ZNF33B: variants seen among roughly 807,000 people sequenced by gnomAD.
The protein encoded by ZNF33B is zinc finger protein 11b (KOX 2).
Under a neutral mutation model 45.8 loss-of-function variants are expected in ZNF33B, and 29 were observed. That is an observed-to-expected ratio of 0.63 (90% confidence interval 0.47 to 0.86). The LOEUF (loss-of-function observed/expected upper bound fraction) is 0.86, where lower values mean the gene tolerates loss of function less well. ZNF33B is among the 40% of genes least tolerant of loss of function. The probability of loss-of-function intolerance (pLI) is 0.00; values close to 1 mark genes in which losing one functional copy is unlikely to be tolerated. For missense variants in ZNF33B, 831 were observed against 909.9 expected (o/e 0.91, Z 1.12); for synonymous variants, 305 against 307.8 (o/e 0.99, Z 0.10).
At chr10:42,636,106 C>T (rs1041565273) in intron 2 of ZNF33B, among the ~76,000 whole-genome samples, 1 of 151,734 alleles carries the variant, frequency 6.6e-6, no homozygotes, top group African/African-American at 2.4e-5. Flanking sequence ...TCCAGCCAGG[C>T]AACAGAGCGA....
intron 4 of ZNF33B, among the ~76,000 whole-genome samples, chr10:42,599,073 G>A (rs1258144973): frequency 6.6e-6 from 1 of 152,060 alleles, no homozygotes; most frequent in Non-Finnish European, 1.5e-5. Context: ...CTGTTTATTT[G>A]AATGAAACTG....
Position 42,591,209 on chromosome 10 carries a change from A to C in ZNF33B, c.*1404T>G, listed in dbSNP as rs116132659. 1.1e-3 allele frequency: 957 copies of C among 845,346 alleles called. 9 individuals carry two copies. In the African/African-American group the frequency reaches 0.017, roughly 15 times the overall value. 52.4% of individuals were successfully genotyped at this position (845,346 alleles called of 1,614,324 possible). On this transcript the variant is annotated 3_prime_UTR_variant, in exon 5 of 5. Transcript: ENST00000359467. ...ATGAGCAATGAAATGACAGTCCAAC[A>C]GCCCTGGGCAGCAACTGGGCTGTAT...
At position 42,589,816 on chromosome 10, in the gene ZNF33B, T is replaced by G. The variant is rs1433372616; in HGVS notation, c.*2797A>C. On this transcript the variant is annotated 3_prime_UTR_variant, in exon 5 of 5. Transcript: ENST00000359467. ...TCCTTTTTTTTTGGTATCACTGCAT[T>G]AGATAGCACTTCCAGTACAATGCTG... The G allele has an allele frequency of 6.6e-6, 1 of 152,232 alleles. No homozygotes were observed. Among genetic ancestry groups the G allele is most frequent in the African/African-American group, 2.4e-5 (1 of 41,460 alleles). The allele number at this position is 152,232 out of a possible 1,614,324, so 9.4% of individuals were successfully genotyped here.
intron 4 of ZNF33B, among the ~76,000 whole-genome samples, chr10:42,600,301 T>G (rs1189248283): frequency 6.6e-6 from 1 of 152,190 alleles, no homozygotes; most frequent in African/African-American, 2.4e-5. Flanking sequence ...CTAAAGCCTC[T>G]GATTATAACT....
chr10:42,631,120 T>G (rs1221245433), intron 4 of ZNF33B, among the ~76,000 whole-genome samples: 2 of 152,212 alleles, frequency 1.3e-5, no homozygotes, highest in Non-Finnish European at 2.9e-5. Flanking sequence ...ATTTCTTTCA[T>G]AGTCTTTAAA....
chr10:42,627,625 G>A (rs1434402080), intron 4 of ZNF33B, among the ~76,000 whole-genome samples: 2 of 152,042 alleles, frequency 1.3e-5, no homozygotes, highest in Admixed American at 1.3e-4. Context: ...TTATGGGTTT[G>A]CAACCTATCA....
chr10:42,594,961 T>G, intron 4 of ZNF33B, among the ~76,000 whole-genome samples: 1 of 152,078 alleles, frequency 6.6e-6, no homozygotes, highest in East Asian at 1.9e-4. Flanking sequence ...ACTTGGTTTC[T>G]AATGTAAGAA....
At chr10:42,578,494 G>A (rs1250337750) in intron 1 of ZNF33B, 4 of 152,692 alleles carry the variant, frequency 2.6e-5, no homozygotes, top group African/African-American at 7.2e-5. Context: ...TTGTTTTCAG[G>A]TTCCCTCTCC....
intron 4 of ZNF33B, among the ~76,000 whole-genome samples, chr10:42,600,576 T>C (rs1837576876): frequency 6.6e-6 from 1 of 152,202 alleles, no homozygotes; most frequent in South Asian, 2.1e-4. Flanking sequence ...ATGTTTCCTT[T>C]ATAGGCAGCA....
downstream of ZNF33B, among the ~76,000 whole-genome samples, chr10:42,584,801 G>A (rs1455417996): frequency 1.3e-5 from 2 of 152,172 alleles, no homozygotes; most frequent in African/African-American, 2.4e-5. Context: ...GACTACAGGC[G>A]TGAGCCATTG....
chr10:42,629,277 G>GT (rs1838944944), intron 4 of ZNF33B, among the ~76,000 whole-genome samples: 1 of 151,944 alleles, frequency 6.6e-6, no homozygotes, highest in South Asian at 2.1e-4. Flanking sequence ...TAAAAGGACA[G>GT]TAACTAGAGG....
chr10:42,577,586 T>C (rs567077195), intron 1 of ZNF33B, among the ~76,000 whole-genome samples: 1 of 152,270 alleles, frequency 6.6e-6, no homozygotes, highest in Non-Finnish European at 1.5e-5. Flanking sequence ...TTTCTCCTTC[T>C]ACTCCCGGGG....
rs959670936 is a variant in ZNF33B at position 42,593,415 on chromosome 10, A to T, written c.1535T>A (p.Leu512His). ...CGKTFYHKSV[L>H]TRHQIIHTGL... ...TGTATGAATTATCTGATGCCTGGTG[A>T]GTACTGACTTGTGGTAGAAAGTTTT... is the stretch of plus-strand genomic sequence containing the variant. Residue 512 changes from leucine to histidine, a missense_variant, in exon 5 of 5, where the codon CTC (leucine) becomes CAC (histidine). By Grantham distance (99) the Leu-to-His change is moderately conservative (BLOSUM62 -3). Transcript: ENST00000359467. 1.2e-6 allele frequency: 2 copies of T among 1,614,056 alleles called. No homozygotes were observed. The highest frequency in any genetic ancestry group is 1.7e-6 in the Non-Finnish European group (2 of 1,179,990).
In ZNF33B at chr10:42,591,094, T is replaced by C. The variant is rs1837102588; in HGVS notation, c.*1519A>G. ...CTTCACACTGTCAATAAAAGCCCCA[T>C]GCCAGCTTGATTCTGGCTCTTCTCC... On this transcript the variant is annotated 3_prime_UTR_variant, in exon 5 of 5. Transcript: ENST00000359467. 1 of 255,516 alleles carries C rather than the reference T, an allele frequency of 3.9e-6. No homozygotes were observed. The highest frequency in any genetic ancestry group is 6.1e-6 in the Non-Finnish European group (1 of 162,620). 15.8% of individuals were successfully genotyped at this position (255,516 alleles called of 1,614,324 possible).
At chr10:42,586,934 G>A (rs1836947732), downstream of ZNF33B, among the ~76,000 whole-genome samples, 1 of 152,136 alleles carries the variant, frequency 6.6e-6, no homozygotes, top group Non-Finnish European at 1.5e-5. Context: ...AGATGAAAGT[G>A]CCAAGATGAA....
chr10:42,581,384 A>C (rs1312701883), intron 1 of ZNF33B, among the ~76,000 whole-genome samples: 1 of 151,046 alleles, frequency 6.6e-6, no homozygotes, highest in Non-Finnish European at 1.5e-5. Context: ...GAATCACTTG[A>C]ACCCAGGAGG....
downstream of ZNF33B, among the ~76,000 whole-genome samples, chr10:42,585,918 TG>T: frequency 6.6e-6 from 1 of 152,336 alleles, no homozygotes; most frequent in South Asian, 2.1e-4. Flanking sequence ...TTTATCAAGA[TG>T]GCTGTCTTTC....
chr10:42,592,625 T>C lies in ZNF33B; in HGVS notation c.2325A>G (p.Lys775=). The C allele has an allele frequency of 6.2e-7, 1 of 1,612,340 alleles. No homozygotes were observed. The highest frequency in any genetic ancestry group is 8.5e-7 in the Non-Finnish European group (1 of 1,179,148). ...IVHQRTHIGE[K]PYE Reference sequence around the variant, plus strand: ...TCTAATATCCAATTCATTCATAAGGTTTTTCTCCTATGTGTGTTCTCTGAT... The same window carrying C: ...TCTAATATCCAATTCATTCATAAGGCTTTTCTCCTATGTGTGTTCTCTGAT... Residue 775 remains lysine, a synonymous_variant, in exon 5 of 5, where the codon AAA becomes AAG. Coordinates refer to ENST00000359467, the MANE Select transcript of ZNF33B (RefSeq NM_006955.3).
downstream of ZNF33B, among the ~76,000 whole-genome samples, chr10:42,585,274 A>G (rs978445508): frequency 5.3e-5 from 8 of 152,216 alleles, no homozygotes; most frequent in African/African-American, 2.4e-5. Flanking sequence ...CTAAGGAGCC[A>G]AAGTGTTTTT....
Sources: allele counts gnomAD v4.1 joint callset (sites outside exome capture counted in the v4.1 genomes callset), GRCh38; gene constraint gnomAD v4.1.1; transcripts MANE v1.5; gene names NCBI Gene and HGNC (gene_info 2026-07-23, HGNC 2026-07-21).